Variants in USP50 observed in about 807,000 individuals in gnomAD.
USP50 encodes ubiquitin carboxyl-terminal hydrolase 50.
USP50 carries 37 observed loss-of-function variants against 39.2 expected under a neutral mutation model. The ratio of observed to expected loss-of-function variants is 0.94; its 90% CI spans 0.73 to 1.24. USP50 has a LOEUF of 1.24. Among genes scored for constraint, USP50 ranks in the 50% most tolerant of loss-of-function variants. The pLI is 0.00. For missense variants in USP50, 374 were observed against 398.2 expected, an observed-to-expected ratio of 0.94 and a Z score of 0.52; for synonymous variants, 139 against 144.5, an observed-to-expected ratio of 0.96 and a Z score of 0.27.
intron 6 of USP50, among the ~76,000 whole-genome samples, chr15:50,525,520 A>ATATATG (rs1185233597): frequency 3.9e-5 from 4 of 101,320 alleles, no homozygotes; most frequent in Non-Finnish European, 5.9e-5. Flanking sequence ...ATATATATGT[A>ATATATG]TATATGTATA....
chr15:50,539,107 G>T (rs75293550), intron 4 of USP50, among the ~76,000 whole-genome samples: 22,031 of 142,050 alleles, frequency 0.16, 2,223 homozygotes, highest in Admixed American at 0.3. Flanking sequence ...AGTTTTTTTT[G>T]GTTTTGTTTT....
At chr15:50,540,154 T>C (rs1413902792) in intron 4 of USP50, among the ~76,000 whole-genome samples, 1 of 152,198 alleles carries the variant, frequency 6.6e-6, no homozygotes, top group Non-Finnish European at 1.5e-5. Flanking sequence ...AGAAAACTTA[T>C]TGCTGTCCGC....
chr15:50,493,202 A>G, downstream of USP50: 1 of 519,286 alleles, frequency 1.9e-6, no homozygotes, highest in Non-Finnish European at 3.7e-6. Context: ...TTCACCCGGG[A>G]GGGGAGCCCT....
downstream of USP50, chr15:50,500,492 C>T (rs143383012): frequency 1.4e-4 from 44 of 324,848 alleles, no homozygotes; most frequent in African/African-American, 6.0e-4. Flanking sequence ...ATCTTCTGGA[C>T]GACAGATTTA....
At chr15:50,542,481 A>ATTTTTTTTTTTTTTTT (rs11292495) in intron 3 of USP50, among the ~76,000 whole-genome samples, 3 of 97,396 alleles carry the variant, frequency 3.1e-5, no homozygotes, top group Non-Finnish European at 1.9e-5. Flanking sequence ...TTTCCTTTTC[A>ATTTTTTTTTTTTTTTT]TTTTTTTTTT....
chr15:50,509,605 G>C (rs1341461813), intron 6 of USP50: 2 of 150,958 alleles, frequency 1.3e-5, no homozygotes, highest in African/African-American at 4.9e-5. Flanking sequence ...CTGAGATCGT[G>C]CCATTGCACT....
rs57450027 is a variant in USP50, at chr15:50,523,175, C to CTTTTTTTTTTTTTTTTT, written c.936+6605_936+6621dup. ...AAAATCAACATATAAAAATCAGTAG[C>CTTTTTTTTTTTTTTTTT]TTTTTTTTTTTTTTTTTTGGTGAGA... On this transcript the variant is annotated intron_variant, in intron 6 of 6. Transcript: ENST00000532404. 1.3e-4 allele frequency among the ~76,000 whole-genome samples: 14 copies of CTTTTTTTTTTTTTTTTT among 104,204 alleles called. 2 individuals carry two copies. The highest frequency in any genetic ancestry group is 1.9e-4 in the African/African-American group (5 of 26,976). The allele number at this position is 104,204 out of a possible 152,430, so 68.4% of individuals were successfully genotyped here. A position where few individuals can be genotyped will look rare whatever the true frequency, so the allele number is the denominator to read the frequency against.
At chr15:50,516,189 T>G (rs145539664) in intron 6 of USP50, among the ~76,000 whole-genome samples, 2 of 152,016 alleles carry the variant, frequency 1.3e-5, no homozygotes, top group African/African-American at 4.8e-5. Context: ...AACCATCAAA[T>G]CACAAAGGAA....
intron 3 of USP50, among the ~76,000 whole-genome samples, chr15:50,542,117 C>T (rs1180635725): frequency 6.6e-6 from 1 of 151,758 alleles, no homozygotes; most frequent in Admixed American, 6.6e-5. Flanking sequence ...AGCCTTGTGG[C>T]CTGGTTTGGA....
intron 5 of USP50, 132 bp from the exon 6 acceptor site, chr15:50,530,061 C>T: frequency 7.8e-7 from 1 of 1,279,558 alleles, no homozygotes; most frequent in Non-Finnish European, 1.1e-6. Flanking sequence ...AATCCCACAA[C>T]TTTGGGAGGC....
intron 1 of USP50, among the ~76,000 whole-genome samples, chr15:50,545,340 C>T (rs891264792): frequency 6.6e-6 from 1 of 151,688 alleles, no homozygotes. Context: ...AAGGCAGGAA[C>T]GATTATTTTT....
At chr15:50,524,470 A>C (rs754282753) in intron 6 of USP50, among the ~76,000 whole-genome samples, 5 of 152,258 alleles carry the variant, frequency 3.3e-5, no homozygotes, top group Non-Finnish European at 7.3e-5. Flanking sequence ...ACCAGAACAG[A>C]TATTTCTCAA....
intron 6 of USP50, among the ~76,000 whole-genome samples, chr15:50,527,497 A>G (rs3109887): frequency 0.56 from 85,471 of 151,730 alleles, 24,165 homozygotes; most frequent in Admixed American, 0.62. Context: ...GTAAGCCACC[A>G]TGCCCGGCCT....
At chr15:50,518,386 A>T (rs1018176122) in intron 6 of USP50, among the ~76,000 whole-genome samples, 2 of 151,694 alleles carry the variant, frequency 1.3e-5, no homozygotes, top group African/African-American at 4.8e-5. Flanking sequence ...ACGCCCGGCT[A>T]ATTTTTTTTT....
chr15:50,544,018 A>G (rs2141382188), intron 2 of USP50: 1 of 534,550 alleles, frequency 1.9e-6, no homozygotes, highest in East Asian at 3.3e-5. Context: ...GGGTGACAGA[A>G]CAAGACTGTC....
At chr15:50,527,551 C>T (rs1357827279) in intron 6 of USP50, among the ~76,000 whole-genome samples, 1 of 152,010 alleles carries the variant, frequency 6.6e-6, no homozygotes, top group African/African-American at 2.4e-5. Context: ...CTACGGTTCT[C>T]CTGAGGACCA....
downstream of USP50, chr15:50,496,754 CAAT>C (rs34340196): frequency 0.02 from 3,532 of 180,068 alleles, 41 homozygotes; most frequent in Non-Finnish European, 0.029. Context: ...CATGTATCAA[CAAT>C]GTTTCTTATA....
downstream of USP50, chr15:50,498,954 G>A: frequency 6.2e-7 from 1 of 1,613,904 alleles, no homozygotes; most frequent in Non-Finnish European, 8.5e-7. Context: ...TTGTAAAAAT[G>A]CAGCAAGACA....
intron 6 of USP50, chr15:50,514,173 T>G (rs1043279793): frequency 1.3e-5 from 2 of 152,222 alleles, no homozygotes; most frequent in African/African-American, 4.8e-5. Context: ...AAGGATATAC[T>G]GTACAATTCC....
Sources: gnomAD v4.1 joint callset for allele counts (sites outside exome capture counted in the v4.1 genomes callset) on GRCh38, gnomAD v4.1.1 for gene constraint, MANE v1.5 for transcripts, NCBI Gene and HGNC (gene_info 2026-07-23, HGNC 2026-07-21) for gene names.